PLXNB1: variants seen among roughly 807,000 people sequenced by gnomAD.
The protein encoded by PLXNB1 is plexin-B1.
PLXNB1 carries 106 observed loss-of-function variants against 209.4 expected under a neutral mutation model. The ratio of observed to expected loss-of-function variants is 0.51; its 90% CI spans 0.43 to 0.59. The LOEUF is 0.59. Among genes scored for constraint, PLXNB1 ranks in the 20% least tolerant of loss-of-function variants. The pLI, the probability that PLXNB1 is intolerant of heterozygous loss-of-function variation, is 0.00. For missense variants in PLXNB1, 2,357 were observed against 2,853.2 expected, an observed-to-expected ratio of 0.83 and a Z score of 3.96; for synonymous variants, 1,167 against 1,183.2, an observed-to-expected ratio of 0.99 and a Z score of 0.28.
intron 1 of PLXNB1, among the ~76,000 whole-genome samples, chr3:48,426,160 T>C (rs534696621): frequency 4.4e-4 from 67 of 152,310 alleles, no homozygotes; most frequent in African/African-American, 1.5e-3. Flanking sequence ...GCCCAAGATG[T>C]GGGGTAAGTG....
At position 48,412,834 on chromosome 3, in the gene PLXNB1, C is replaced by G. The variant is rs2037784787; in HGVS notation, c.4762G>C (p.Asp1588His). The G allele has an allele frequency of 1.2e-6, 2 of 1,613,626 alleles. No homozygotes were observed. Among genetic ancestry groups the G allele is most frequent in the Admixed American group, 1.7e-5 (1 of 60,004 alleles). Residue 1588 changes from aspartate (D) to histidine (H), a missense_variant, in exon 25 of 38, where the codon GAC becomes CAC. Around this residue, in one of 7 missense-constraint regions of PLXNB1, gnomAD observed 743 missense variants for 896.2 expected, o/e 0.83. Transcript: ENST00000296440. ...CGTCTGCTCTCAGGCACACCCAGGTCCCGGTGCAAGGGCGACTCGCGGTGC... is the reference window on the plus strand; with the variant it reads ...CGTCTGCTCTCAGGCACACCCAGGTGCCGGTGCAAGGGCGACTCGCGGTGC... Reference protein sequence around the residue: ...PGHRESPLHRDLGVPESRRPT... With the variant: ...PGHRESPLHRHLGVPESRRPT...
chr3:48,412,669 G>A (rs1300264096), intron 25 of PLXNB1, 49 bp from the exon 26 acceptor site: 2 of 1,605,934 alleles, frequency 1.2e-6, no homozygotes, highest in South Asian at 2.2e-5. Flanking sequence ...GGGACAGAGG[G>A]GCGGGCTCAG....
chr3:48,408,733 C>T (rs1219816563), intron 34 of PLXNB1, among the ~76,000 whole-genome samples: 2 of 152,144 alleles, frequency 1.3e-5, no homozygotes, highest in African/African-American at 4.8e-5. Flanking sequence ...TCTGGAAACC[C>T]CACAAACACC....
In PLXNB1 at chr3:48,420,953, T is replaced by C; in HGVS notation, c.1814A>G (p.Tyr605Cys). Reference sequence around the variant, plus strand: ...TCTGAGCTCCACGCTCACGGATACGTAGTCTGCAGAGGGGGAGAGAGGGCC... The same window carrying C: ...TCTGAGCTCCACGCTCACGGATACGCAGTCTGCAGAGGGGGAGAGAGGGCC... ...EAPVLPRGAD[Y>C]VSVSVELRFG... Residue 605 changes from tyrosine to cysteine, a missense_variant, in exon 9 of 38, where the codon TAC becomes TGC. Coordinates refer to ENST00000296440, the MANE Select transcript of PLXNB1 (RefSeq NM_001130082.3). The C allele has an allele frequency of 6.2e-7, 1 of 1,612,006 alleles. No homozygotes were observed. The highest frequency in any genetic ancestry group is 8.5e-7 in the Non-Finnish European group (1 of 1,178,372).
chr3:48,416,971 C>G lies in PLXNB1; in HGVS notation c.3375-520G>C, dbSNP rs1198766724. Reference sequence around the variant, plus strand: ...AAAATAGAAGCTTGGGCAAATTAAACTTCCAGAGTGTTAAGCCTGCAGTGG... The same window carrying G: ...AAAATAGAAGCTTGGGCAAATTAAAGTTCCAGAGTGTTAAGCCTGCAGTGG... On this transcript the variant is annotated intron_variant, in intron 16 of 37. Transcript: ENST00000296440. This position sits in a 1 kb window ranked among gnomAD's most constrained non-coding sequence, Gnocchi z 4.1. 2 of 152,354 alleles carry G rather than the reference C, an allele frequency of 1.3e-5. No individual in the cohort carries two copies. The highest frequency in any genetic ancestry group is 2.9e-5 in the Non-Finnish European group (2 of 68,142). 9.4% of individuals were successfully genotyped at this position (152,354 alleles called of 1,614,324 possible).
Position 48,409,703 on chromosome 3 carries a change from A to G in PLXNB1, c.5807T>C (p.Leu1936Pro). The G allele has an allele frequency of 6.2e-7, 1 of 1,613,798 alleles. No homozygotes were observed. The highest frequency in any genetic ancestry group is 8.5e-7 in the Non-Finnish European group (1 of 1,179,976). The change falls in exon 33 of 38, where the codon CTG becomes CCG. Residue 1936 changes from leucine (L) to proline (P), a missense_variant. This residue lies in a region of PLXNB1 where 414 missense variants were observed against 520.5 expected (regional missense o/e 0.80). Coordinates refer to ENST00000296440, the MANE Select transcript of PLXNB1 (RefSeq NM_001130082.3). The surrounding 1 kb of genome is among the most constrained non-coding windows in gnomAD (Gnocchi z 5.8). ...GCTGGTGCTGAGAATCACCTGGAAC[A>G]GGTCATCCACGAACTTCTGCAGGGT... Reference protein sequence around the residue: ...KGTLQKFVDDLFQVILSTSRP... With the variant: ...KGTLQKFVDDPFQVILSTSRP...
intron 1 of PLXNB1, among the ~76,000 whole-genome samples, chr3:48,428,124 C>T (rs1337813048): frequency 1.3e-5 from 2 of 152,138 alleles, no homozygotes; most frequent in Non-Finnish European, 2.9e-5. Context: ...GTATGGTGAA[C>T]GAACCCCCAT....
In PLXNB1 at chr3:48,403,996, T is replaced by C. The variant is rs2037164237; in HGVS notation, c.*490A>G. 6.4e-6 allele frequency: 1 copy of C among 155,106 alleles called. No homozygotes were observed. The highest frequency in any genetic ancestry group is 1.4e-5 in the Non-Finnish European group (1 of 69,662). The allele number at this position is 155,106 out of a possible 1,614,324, so 9.6% of individuals were successfully genotyped here. On this transcript the variant is annotated 3_prime_UTR_variant, in exon 38 of 38. Coordinates refer to ENST00000296440, the MANE Select transcript of PLXNB1 (RefSeq NM_001130082.3). ...CAGCCAGCCCTGCTGAGGGGTCAGT[T>C]TGTAGTGGCCTAGGAGAGGCGTTCA...
rs549934099 is a variant in PLXNB1 at position 48,418,299 on chromosome 3, C to T, written c.3114G>A (p.Gln1038=). ...CCCCCTCACACCACACACAGCCATA[C>T]TGGGGCATGGCAGTTTGGCAGCGGC... ...DCSRCQTAMP[Q]YGCVWCEGER... is the part of the protein sequence containing the mutation. The change falls in exon 15 of 38, where the codon CAG becomes CAA. Residue 1038 remains glutamine (Q), a synonymous_variant. Coordinates refer to ENST00000296440, the MANE Select transcript of PLXNB1 (RefSeq NM_001130082.3). The surrounding 1 kb of genome is among the most constrained non-coding windows in gnomAD (Gnocchi z 6.6). 11 of 1,613,794 alleles carry T rather than the reference C, an allele frequency of 6.8e-6. No homozygotes were observed. The East Asian group carries it at 1.8e-4, about 26-fold the overall frequency.
rs571171679 is a variant in PLXNB1, at chr3:48,422,445, T to C, written c.1305A>G (p.Pro435=). 16 of 1,591,104 alleles carry C rather than the reference T, an allele frequency of 1.0e-5. No homozygotes were observed. The African/African-American group carries it at 1.1e-4, about 11-fold the overall frequency. Residue 435 remains proline (P), a synonymous_variant, in exon 5 of 38, where the codon CCA becomes CCG. Coordinates refer to ENST00000296440, the MANE Select transcript of PLXNB1 (RefSeq NM_001130082.3). The stretch of plus-strand genomic sequence containing the variant: ...TGGAGTATGGGTGGCCATCGCTCCC[T>C]GGGCCCAAGTAGACCTGGGATCAGA... ...QGQLHRVYLG[P]GSDGHPYSTQ...
In PLXNB1 at chr3:48,412,727, T is replaced by C. The variant is rs1379174522; in HGVS notation, c.4854+15A>G. The C allele has an allele frequency of 6.8e-6, 11 of 1,610,868 alleles. No homozygotes were observed. Among genetic ancestry groups the C allele is most frequent in the Admixed American group, 1.7e-5 (1 of 59,982 alleles). On this transcript the variant is annotated intron_variant, in intron 25 of 37. Coordinates refer to ENST00000296440, the MANE Select transcript of PLXNB1 (RefSeq NM_001130082.3). ...CAGGGCCAGGGGCAGGCCAGGAAGA[T>C]GCAGCTGGGGGTACCTTGGTGAGGA...
chr3:48,407,381 G>A (rs574330499), intron 34 of PLXNB1, among the ~76,000 whole-genome samples: 4 of 152,062 alleles, frequency 2.6e-5, no homozygotes, highest in Non-Finnish European at 5.9e-5. Context: ...GCAAGAGCCC[G>A]GTACGTAGGG....
At position 48,423,905 on chromosome 3, in the gene PLXNB1, T is replaced by G. The variant is rs1212274661; in HGVS notation, c.707A>C (p.Asp236Ala). The G allele has an allele frequency of 6.2e-7, 1 of 1,613,438 alleles. No homozygotes were observed. Among genetic ancestry groups the G allele is most frequent in the Non-Finnish European group, 8.5e-7 (1 of 1,179,868 alleles). ...AAAAGCTCTAGACTGAGCCTGCAGG[T>G]CCCGCCGCAGGAACAGGAAGTAGGC... ...ASAYFLFLRRDLQAQSRAFRA... is the reference protein window; with the variant it reads ...ASAYFLFLRRALQAQSRAFRA... The change falls in exon 3 of 38, where the codon GAC becomes GCC. Residue 236 changes from aspartate to alanine, a missense_variant. By Grantham distance (126) the Asp-to-Ala change is moderately radical. Coordinates refer to ENST00000296440, the MANE Select transcript of PLXNB1 (RefSeq NM_001130082.3).
In PLXNB1 at chr3:48,425,825, CACACACACACAG is replaced by C. The variant is rs58302315; in HGVS notation, c.-59-504_-59-493del. Among the ~76,000 whole-genome samples the C allele has an allele frequency of 8.0e-3, 1,221 of 151,692 alleles. 15 individuals carry two copies. Among genetic ancestry groups the C allele is most frequent in the African/African-American group, 0.029 (1,181 of 41,150 alleles). On this transcript the variant is annotated intron_variant, in intron 1 of 37. Transcript: ENST00000296440. Reference sequence around the variant, plus strand: ...CCTACAACACACACACACACACACACACACACACACAGAGAGAGAGAGATGCAGATGCCATCT... The same window carrying C: ...CCTACAACACACACACACACACACACAGAGAGAGAGATGCAGATGCCATCT...
chr3:48,409,948 T>C lies in PLXNB1; in HGVS notation c.5735A>G (p.Lys1912Arg). The C allele has an allele frequency of 6.2e-7, 1 of 1,612,110 alleles. No homozygotes were observed. Among genetic ancestry groups the C allele is most frequent in the Non-Finnish European group, 8.5e-7 (1 of 1,179,450 alleles). Residue 1912 changes from lysine to arginine, a missense_variant, in exon 32 of 38, where the codon AAG becomes AGG. Physicochemically the swap from Lys to Arg is conservative, Grantham distance 26. This residue lies in a region of PLXNB1 where 414 missense variants were observed against 520.5 expected (regional missense o/e 0.80). Coordinates refer to ENST00000296440, the MANE Select transcript of PLXNB1 (RefSeq NM_001130082.3). This position sits in a 1 kb window ranked among gnomAD's most constrained non-coding sequence, Gnocchi z 5.8. The stretch of plus-strand genomic sequence containing the variant: ...GGTCAGGTAGATCTCAGGGATGGCC[T>C]TGGCGCGCTCACGCTCCCCGCCCCG... ...SLRGGERERA[K>R]AIPEIYLTRL...
Position 48,412,219 on chromosome 3 carries a change from T to G in PLXNB1, c.5100+19A>C. On this transcript the variant is annotated intron_variant, in intron 27 of 37. Coordinates refer to ENST00000296440, the MANE Select transcript of PLXNB1 (RefSeq NM_001130082.3). ...TGACCCTCCCTGGACAGGAGCCCTG[T>G]CCACCTCTGCCCCCTCACCCTCACG... 1 of 1,612,938 alleles carries G rather than the reference T, an allele frequency of 6.2e-7. No individual in the cohort carries two copies. Among genetic ancestry groups the G allele is most frequent in the Non-Finnish European group, 8.5e-7 (1 of 1,179,100 alleles).
chr3:48,410,509 G>T lies in PLXNB1; in HGVS notation c.5466C>A (p.Val1822=). The T allele has an allele frequency of 6.2e-7, 1 of 1,613,898 alleles. No individual in the cohort carries two copies. The highest frequency in any genetic ancestry group is 1.1e-5 in the South Asian group (1 of 91,068). Residue 1822 remains valine (V), a synonymous_variant, in exon 30 of 38, where the codon GTC becomes GTA. Transcript: ENST00000296440. The surrounding 1 kb of genome is among the most constrained non-coding windows in gnomAD (Gnocchi z 6.4). ...TCCACAGACCCTGGACCTCAGAAGT[G>T]ACATCCTCGTCAGAAAGAATGAGGT... ...AGHLILSDED[V]TSEVQGLWRR...
chr3:48,412,033 G>A, intron 27 of PLXNB1, 24 bp from the exon 28 acceptor site: 1 of 1,613,128 alleles, frequency 6.2e-7, no homozygotes, highest in Admixed American at 1.7e-5. Context: ...GGCAGTTAGG[G>A]CCCCCCAGCA....
Position 48,413,022 on chromosome 3 carries a change from G to A in PLXNB1, c.4636+47C>T. On this transcript the variant is annotated intron_variant, in intron 24 of 37. Transcript: ENST00000296440. The surrounding 1 kb of genome is among the most constrained non-coding windows in gnomAD (Gnocchi z 5.4). Reference sequence around the variant, plus strand: ...GCACCAATCCCGTGTGATGGGAGTGGGTTTGGGCAGAGTTCTGGAGGGCGG... The same window carrying A: ...GCACCAATCCCGTGTGATGGGAGTGAGTTTGGGCAGAGTTCTGGAGGGCGG... The A allele has an allele frequency of 6.2e-7, 1 of 1,608,304 alleles. No homozygotes were observed.
Sources: allele counts gnomAD v4.1 joint callset (sites outside exome capture counted in the v4.1 genomes callset), GRCh38; gene constraint gnomAD v4.1.1; regional missense constraint gnomAD v4.1.1; non-coding constraint Gnocchi (gnomAD v3.1); transcripts MANE v1.5; gene names NCBI Gene and HGNC (gene_info 2026-07-23, HGNC 2026-07-21).